NEDD4L: variants seen among roughly 807,000 people sequenced by gnomAD.
NEDD4L encodes the protein NEDD4 like E3 ubiquitin protein ligase.
Under a neutral mutation model 148.9 loss-of-function variants are expected in NEDD4L, and 54 were observed. The ratio of observed to expected loss-of-function variants is 0.36; its 90% confidence interval spans 0.29 to 0.45. The LOEUF is 0.45. Ranked by LOEUF, NEDD4L falls within the 20% of genes least tolerant of loss-of-function variation. The pLI is 1.00. For missense variants in NEDD4L, 856 were observed against 1,233.8 expected (o/e 0.69, Z 4.59); for synonymous variants, 433 against 440.7 (o/e 0.98, Z 0.22).
chr18:58,154,917 T>G (rs1375857362), intron 1 of NEDD4L, among the ~76,000 whole-genome samples: 3 of 152,326 alleles, frequency 2.0e-5, no homozygotes, highest in Non-Finnish European at 2.9e-5. Context: ...AAAACAAAAG[T>G]GATGTGGAAG....
At chr18:58,244,116 T>G (rs2046968220) in intron 2 of NEDD4L, among the ~76,000 whole-genome samples, 1 of 152,240 alleles carries the variant, frequency 6.6e-6, no homozygotes, top group Non-Finnish European at 1.5e-5. Flanking sequence ...CAGTACAGTC[T>G]CAGCATTTTA....
At chr18:58,133,342 T>C (rs573710196) in intron 1 of NEDD4L, among the ~76,000 whole-genome samples, 2 of 152,318 alleles carry the variant, frequency 1.3e-5, no homozygotes, top group African/African-American at 4.8e-5. Flanking sequence ...TATACAGGGC[T>C]CTCTGTAGCC....
At chr18:58,094,409 G>A (rs1166020792) in intron 1 of NEDD4L, among the ~76,000 whole-genome samples, 1 of 151,864 alleles carries the variant, frequency 6.6e-6, no homozygotes, top group Non-Finnish European at 1.5e-5. Context: ...CTGGTCTCGA[G>A]CTCCCGGGCT....
At chr18:58,201,055 T>C (rs2041339413) in intron 2 of NEDD4L, among the ~76,000 whole-genome samples, 1 of 152,196 alleles carries the variant, frequency 6.6e-6, no homozygotes, top group Non-Finnish European at 1.5e-5. Flanking sequence ...AAGATTAGGC[T>C]GGTGCATTGG....
At chr18:58,284,083 A>C (rs747405985) in intron 5 of NEDD4L, among the ~76,000 whole-genome samples, 14 of 152,230 alleles carry the variant, frequency 9.2e-5, no homozygotes, top group Non-Finnish European at 1.6e-4. Flanking sequence ...CACCCTGCCC[A>C]TATCTTGATC....
chr18:58,396,312 G>C lies in NEDD4L; in HGVS notation c.*43G>C. On this transcript the variant is annotated 3_prime_UTR_variant, in exon 31 of 31. Transcript: ENST00000400345. ...GGTGGTTGTTCTTCAAGCAAGTTCT[G>C]CTTGCACTTTTGCATTTGCCTAACA... 1 of 1,373,178 alleles carries C rather than the reference G, an allele frequency of 7.3e-7. No homozygotes were observed. The highest frequency in any genetic ancestry group is 1.0e-6 in the Non-Finnish European group (1 of 971,056). The allele number at this position is 1,373,178 out of a possible 1,614,324, so 85.1% of individuals were successfully genotyped here.
At chr18:58,385,888 T>C (rs932941905) in intron 26 of NEDD4L, among the ~76,000 whole-genome samples, 1 of 152,002 alleles carries the variant, frequency 6.6e-6, no homozygotes, top group African/African-American at 2.4e-5. Context: ...AGAACCATTG[T>C]CTTGGAGTTT....
At chr18:58,159,667 C>A (rs2146484930) in intron 1 of NEDD4L, among the ~76,000 whole-genome samples, 1 of 152,170 alleles carries the variant, frequency 6.6e-6, no homozygotes, top group Admixed American at 6.5e-5. Context: ...TGGTCATGGT[C>A]CATATGCTGG....
At chr18:58,156,287 C>T (rs113160029) in intron 1 of NEDD4L, among the ~76,000 whole-genome samples, 2,235 of 152,278 alleles carry the variant, frequency 0.015, 16 homozygotes, top group Non-Finnish European at 0.021. Flanking sequence ...TACCCCCTTC[C>T]GCAAATGCTA....
intron 12 of NEDD4L, among the ~76,000 whole-genome samples, chr18:58,334,338 C>T (rs1223166011): frequency 6.6e-6 from 1 of 152,170 alleles, no homozygotes; most frequent in East Asian, 1.9e-4. Context: ...AGCCTCTGTA[C>T]CTTCTCTTTA....
At chr18:58,283,684 G>A (rs1447835083) in intron 5 of NEDD4L, among the ~76,000 whole-genome samples, 2 of 152,140 alleles carry the variant, frequency 1.3e-5, no homozygotes, top group African/African-American at 2.4e-5. Flanking sequence ...TGTCTTGTGA[G>A]GAATCCCTTT....
intron 2 of NEDD4L, among the ~76,000 whole-genome samples, chr18:58,238,826 T>C (rs933538766): frequency 6.6e-6 from 1 of 152,232 alleles, no homozygotes; most frequent in Non-Finnish European, 1.5e-5. Flanking sequence ...TAGTAGAGTA[T>C]TAAATGTCTG....
intron 1 of NEDD4L, among the ~76,000 whole-genome samples, chr18:58,145,133 C>T (rs537457904): frequency 1.3e-4 from 20 of 152,150 alleles, no homozygotes; most frequent in East Asian, 3.8e-4. Flanking sequence ...GATGCTGGGA[C>T]GGTGCTTCCC....
intron 1 of NEDD4L, among the ~76,000 whole-genome samples, chr18:58,149,721 C>T (rs754664647): frequency 2.6e-5 from 4 of 152,256 alleles, no homozygotes; most frequent in Non-Finnish European, 4.4e-5. Flanking sequence ...TTACTTCTTT[C>T]TTGAAGGATT....
intron 5 of NEDD4L, among the ~76,000 whole-genome samples, chr18:58,270,935 C>T (rs1046371368): frequency 1.3e-5 from 2 of 152,044 alleles, no homozygotes; most frequent in African/African-American, 4.8e-5. Context: ...CTTTCTCCCT[C>T]ATATCTCTGC....
At chr18:58,385,456 T>A (rs2048887791) in intron 25 of NEDD4L, 70 bp from the exon 26 acceptor site, 1 of 1,237,678 alleles carries the variant, frequency 8.1e-7, no homozygotes, top group South Asian at 1.2e-5. Flanking sequence ...AAGCACTCCC[T>A]GTTGCGGAGA....
At chr18:58,254,924 C>T (rs943930711) in intron 5 of NEDD4L, among the ~76,000 whole-genome samples, 4 of 152,114 alleles carry the variant, frequency 2.6e-5, no homozygotes, top group African/African-American at 9.7e-5. Context: ...GGTGTGTAAT[C>T]GTATTTATAG....
chr18:58,343,448 C>T (rs2042681104), intron 16 of NEDD4L, among the ~76,000 whole-genome samples: 1 of 152,208 alleles, frequency 6.6e-6, no homozygotes, highest in African/African-American at 2.4e-5. Context: ...GAGTTATAAT[C>T]ATTTTCAAAT....
chr18:58,140,466 C>G (rs2033373920), intron 1 of NEDD4L, among the ~76,000 whole-genome samples: 1 of 151,388 alleles, frequency 6.6e-6, no homozygotes, highest in South Asian at 2.1e-4. Context: ...TCAGTGGATT[C>G]TTTTGTCCAT....
Sources: allele counts gnomAD v4.1 joint callset (sites outside exome capture counted in the v4.1 genomes callset), GRCh38; gene constraint gnomAD v4.1.1; transcripts MANE v1.5; gene names NCBI Gene and HGNC (gene_info 2026-07-23, HGNC 2026-07-21).